The following FA2H variants were observed in gnomAD, a reference collection of about 807,000 sequenced individuals.
The protein encoded by FA2H is fatty acid 2-hydroxylase, also known as fatty acid alpha-hydroxylase.
In FA2H, 22 loss-of-function variants were observed where a neutral mutation model predicts 44.9. The ratio of observed to expected loss-of-function variants is 0.49; its 90% CI spans 0.35 to 0.70. The LOEUF (loss-of-function observed/expected upper bound fraction) is 0.70. Among genes scored for constraint, FA2H ranks in the 30% least tolerant of loss-of-function variants. FA2H has a pLI of 0.01. For synonymous variants in FA2H, 243 were observed against 213.2 expected, an observed-to-expected ratio of 1.14 and a Z score of -1.22; for missense variants, 501 against 504.9, an observed-to-expected ratio of 0.99 and a Z score of 0.07.
rs1219583343 is a variant in FA2H, at chr16:74,734,511, C to T, written c.363+5512G>A. 2.0e-5 allele frequency among the ~76,000 whole-genome samples: 3 copies of T among 152,232 alleles called. No individual in the cohort carries two copies. In the East Asian group the frequency reaches 5.8e-4, roughly 29 times the overall value. On this transcript the variant is annotated intron_variant, in intron 2 of 6. Coordinates refer to ENST00000219368, the MANE Select transcript of FA2H (RefSeq NM_024306.5). ...TGCCGACTGTGTGGGGTCCATGCCC[C>T]TCCCCCAGCCTGCTCGGTCCCTGCC...
At chr16:74,726,464 C>T in intron 3 of FA2H, 133 bp from the exon 4 acceptor site, 1 of 615,298 alleles carries the variant, frequency 1.6e-6, no homozygotes, top group Non-Finnish European at 2.9e-6. Context: ...TTTCGGCTCA[C>T]TGCAACCTCT....
intron 1 of FA2H, 87 bp downstream of exon 1, chr16:74,774,399 G>C: frequency 7.5e-7 from 1 of 1,331,006 alleles, no homozygotes; most frequent in Non-Finnish European, 9.9e-7. Context: ...CTTGGGTCCT[G>C]CTAGAGGGCA....
intron 1 of FA2H, among the ~76,000 whole-genome samples, chr16:74,770,126 A>G (rs1962879896): frequency 1.3e-5 from 2 of 152,168 alleles, no homozygotes; most frequent in East Asian, 1.9e-4. Context: ...GCCCCAAACA[A>G]CAGAGCTGGT....
intron 5 of FA2H, among the ~76,000 whole-genome samples, chr16:74,718,758 A>C (rs1419400320): frequency 6.6e-6 from 1 of 152,228 alleles, no homozygotes; most frequent in Non-Finnish European, 1.5e-5. Context: ...TGCGTAAACA[A>C]GGGTGCAGAG....
chr16:74,714,253 A>T lies in FA2H; in HGVS notation c.1056T>A (p.Thr352=). 3.2e-6 allele frequency: 5 copies of T among 1,561,330 alleles called. No homozygotes were observed. The highest frequency in any genetic ancestry group is 4.3e-6 in the Non-Finnish European group (5 of 1,151,928). Residue 352 remains threonine, a synonymous_variant, in exon 7 of 7, where the codon ACT becomes ACA. Coordinates refer to ENST00000219368, the MANE Select transcript of FA2H (RefSeq NM_024306.5). ...AHQKSGFGIS[T]KLWDYCFHTL... The stretch of plus-strand genomic sequence containing the variant: ...TGTGGAAACAGTAATCCCACAATTT[A>T]GTGCTGATACCAAATCCTAGAGAGG...
chr16:74,748,430 C>T (rs2144644858), intron 1 of FA2H, among the ~76,000 whole-genome samples: 1 of 152,314 alleles, frequency 6.6e-6, no homozygotes, highest in Non-Finnish European at 1.5e-5. Context: ...GCATTCCACA[C>T]ACGGGGGAAA....
intron 1 of FA2H, among the ~76,000 whole-genome samples, chr16:74,751,174 A>G (rs1283920626): frequency 6.6e-6 from 1 of 152,004 alleles, no homozygotes; most frequent in Non-Finnish European, 1.5e-5. Context: ...GGCTCACTGC[A>G]ACCTCTGCCT....
chr16:74,765,634 C>G (rs1567651041), intron 1 of FA2H, among the ~76,000 whole-genome samples: 1 of 152,140 alleles, frequency 6.6e-6, no homozygotes, highest in African/African-American at 2.4e-5. Flanking sequence ...ATGGTGCAGT[C>G]ACGGCTCACT....
rs192591884 is a variant in FA2H, at chr16:74,770,157, A to C, written c.270+4329T>G. 7.8e-3 allele frequency among the ~76,000 whole-genome samples: 1,185 copies of C among 152,330 alleles called. 13 individuals are homozygous for C. Among genetic ancestry groups the C allele is most frequent in the African/African-American group, 0.027 (1,125 of 41,586 alleles). ...CTGGTTCATGGCACTCCCCTTCCCC[A>C]GCAAAAGCCTCCTGCTCCTCCAGAG... On this transcript the variant is annotated intron_variant, in intron 1 of 6. Coordinates refer to ENST00000219368, the MANE Select transcript of FA2H (RefSeq NM_024306.5).
chr16:74,730,570 C>A (rs1962053413), intron 2 of FA2H, among the ~76,000 whole-genome samples: 1 of 152,144 alleles, frequency 6.6e-6, no homozygotes, highest in South Asian at 2.1e-4. Context: ...CCCTGCACCA[C>A]CACAACCGCT....
chr16:74,758,305 A>G (rs1367204323), intron 1 of FA2H, among the ~76,000 whole-genome samples: 1 of 151,684 alleles, frequency 6.6e-6, no homozygotes, highest in African/African-American at 2.4e-5. Context: ...TATTTTTAGT[A>G]GAGTCAGGGT....
chr16:74,733,069 G>A (rs1962104838), intron 2 of FA2H, among the ~76,000 whole-genome samples: 1 of 152,208 alleles, frequency 6.6e-6, no homozygotes, highest in Admixed American at 6.5e-5. Context: ...TTGCCTGTCT[G>A]GGGCCGTGGA....
intron 1 of FA2H, among the ~76,000 whole-genome samples, chr16:74,773,003 G>A (rs1962936049): frequency 6.6e-6 from 1 of 151,894 alleles, no homozygotes; most frequent in Non-Finnish European, 1.5e-5. Flanking sequence ...AGCCTCCCAA[G>A]TAGCTAGAAT....
chr16:74,732,108 TC>T (rs1289727456), intron 2 of FA2H, among the ~76,000 whole-genome samples: 1 of 152,156 alleles, frequency 6.6e-6, no homozygotes, highest in African/African-American at 2.4e-5. Context: ...GGTCTCGAGC[TC>T]CTGGGCTCAA....
chr16:74,741,852 GTGTATGTGTGTGTGTGTA>G (rs1339949825), intron 1 of FA2H, among the ~76,000 whole-genome samples: 1 of 142,852 alleles, frequency 7.0e-6, no homozygotes, highest in Admixed American at 7.0e-5. Context: ...GTGTGTATGT[GTGTATGTGTGTGTGTGTA>G]TGTGTGTGTG....
At chr16:74,718,921 G>A in intron 5 of FA2H, 67 bp downstream of exon 5, 1 of 1,577,078 alleles carries the variant, frequency 6.3e-7, no homozygotes. Flanking sequence ...ACCTGAAGCT[G>A]CGGCTGGCTG....
At chr16:74,762,189 C>T (rs1436380365) in intron 1 of FA2H, among the ~76,000 whole-genome samples, 1 of 152,102 alleles carries the variant, frequency 6.6e-6, no homozygotes, top group African/African-American at 2.4e-5. Flanking sequence ...ACTGCAGGTG[C>T]CCACCATCAA....
intron 6 of FA2H, 54 bp from the exon 7 acceptor site, chr16:74,714,323 G>A (rs754992819): frequency 9.3e-6 from 11 of 1,180,464 alleles, no homozygotes; most frequent in Middle Eastern, 1.9e-4. Context: ...GCAGGCGTGC[G>A]CTGGCTTGGG....
chr16:74,762,475 A>G (rs199536496), intron 1 of FA2H, among the ~76,000 whole-genome samples: 2 of 152,154 alleles, frequency 1.3e-5, no homozygotes, highest in Non-Finnish European at 1.5e-5. Flanking sequence ...AAGATAATCA[A>G]TTTCCCTCTC....
Sources: allele counts gnomAD v4.1 joint callset (sites outside exome capture counted in the v4.1 genomes callset), GRCh38; gene constraint gnomAD v4.1.1; transcripts MANE v1.5; gene names NCBI Gene and HGNC (gene_info 2026-07-23, HGNC 2026-07-21).